Variants in DLGAP1 observed in about 807,000 individuals in gnomAD.
DLGAP1 encodes the protein disks large-associated protein 1.
A neutral mutation model predicts 90.8 loss-of-function variants in DLGAP1; 11 were observed. The ratio of observed to expected loss-of-function variants is 0.12; its 90% confidence interval spans 0.08 to 0.20. The LOEUF (loss-of-function observed/expected upper bound fraction) is 0.20, where lower values mean the gene tolerates loss of function less well. Ranked by LOEUF, DLGAP1 falls within the 10% of genes least tolerant of loss-of-function variation. The pLI, the probability that DLGAP1 is intolerant of heterozygous loss-of-function variation, is 1.00. For missense variants in DLGAP1, 1,050 were observed against 1,333.8 expected, an observed-to-expected ratio of 0.79 and a Z score of 3.31; for synonymous variants, 558 against 540.7, an observed-to-expected ratio of 1.03 and a Z score of -0.44.
intron 2 of DLGAP1, among the ~76,000 whole-genome samples, chr18:4,125,893 T>C (rs964843935): frequency 2.0e-5 from 3 of 152,138 alleles, no homozygotes; most frequent in African/African-American, 7.2e-5. Flanking sequence ...GCTACGAACA[T>C]TTCCAGGGCC....
intron 2 of DLGAP1, among the ~76,000 whole-genome samples, chr18:4,013,267 T>C (rs1242841893): frequency 6.6e-6 from 1 of 152,138 alleles, no homozygotes; most frequent in Non-Finnish European, 1.5e-5. Context: ...ATTTAATATT[T>C]AAAAAGCCTC....
chr18:3,707,645 G>A (rs2061477253), intron 7 of DLGAP1, among the ~76,000 whole-genome samples: 1 of 151,610 alleles, frequency 6.6e-6, no homozygotes, highest in Admixed American at 6.6e-5. Context: ...AGATTATCTT[G>A]TGCATGTCTT....
Position 4,247,454 on chromosome 18 carries a change from C to A in DLGAP1, c.-266-96167G>T, listed in dbSNP as rs549734194. 8.5e-5 allele frequency among the ~76,000 whole-genome samples: 13 copies of A among 152,236 alleles called. No homozygotes were observed. In the South Asian group the frequency reaches 2.5e-3, roughly 29 times the overall value. On this transcript the variant is annotated intron_variant, in intron 1 of 12. Coordinates refer to ENST00000315677, the MANE Select transcript of DLGAP1 (RefSeq NM_004746.4). ...TACAATATACTGCCTTATTTCTATG[C>A]CTCTTCCCTGTGAAAAGTGTCCTTA... is the stretch of plus-strand genomic sequence containing the variant.
chr18:3,870,443 A>G (rs1416368107), intron 4 of DLGAP1, among the ~76,000 whole-genome samples: 1 of 152,186 alleles, frequency 6.6e-6, no homozygotes, highest in East Asian at 1.9e-4. Context: ...GTAGGGGGCA[A>G]TAACTAAGAG....
chr18:3,861,833 G>T (rs923591563), intron 4 of DLGAP1, among the ~76,000 whole-genome samples: 2 of 152,232 alleles, frequency 1.3e-5, no homozygotes, highest in Admixed American at 6.5e-5. Flanking sequence ...GCCTCAATAA[G>T]CTTTTCCAAT....
intron 1 of DLGAP1, among the ~76,000 whole-genome samples, chr18:4,191,019 A>G (rs1408742109): frequency 6.6e-6 from 1 of 152,136 alleles, no homozygotes; most frequent in Admixed American, 6.6e-5. Flanking sequence ...TAATTTAGAA[A>G]GAGAAAGTAT....
chr18:4,076,632 T>A (rs2143545643), intron 2 of DLGAP1, among the ~76,000 whole-genome samples: 1 of 152,148 alleles, frequency 6.6e-6, no homozygotes, highest in East Asian at 1.9e-4. Flanking sequence ...TTATTATTAT[T>A]ATTTTTCTTG....
rs2073177441 is a variant in DLGAP1, at chr18:3,960,580, T to C, written c.-73+44536A>G. On this transcript the variant is annotated intron_variant, in intron 3 of 12. Coordinates refer to ENST00000315677, the MANE Select transcript of DLGAP1 (RefSeq NM_004746.4). Reference sequence around the variant, plus strand: ...CCCCATCTCTAAAAAAATAATAACATAAAGAAACAAAAACTTGAAACCTAA... The same window carrying C: ...CCCCATCTCTAAAAAAATAATAACACAAAGAAACAAAAACTTGAAACCTAA... Among the ~76,000 whole-genome samples, 3 of 152,076 alleles carry C rather than the reference T, an allele frequency of 2.0e-5. No individual in the cohort carries two copies. In the South Asian group the frequency reaches 6.2e-4, roughly 32 times the overall value.
chr18:3,501,251 T>C (rs2049918251), intron 12 of DLGAP1, among the ~76,000 whole-genome samples: 1 of 148,082 alleles, frequency 6.8e-6, no homozygotes, highest in Non-Finnish European at 1.5e-5. Flanking sequence ...AAAAAAAAAT[T>C]AGATGCATCA....
intron 4 of DLGAP1, among the ~76,000 whole-genome samples, chr18:3,832,465 C>A (rs559454885): frequency 6.6e-6 from 1 of 152,112 alleles, no homozygotes; most frequent in Non-Finnish European, 1.5e-5. Context: ...TACAGCTGCA[C>A]GAGTAGGCAC....
intron 6 of DLGAP1, among the ~76,000 whole-genome samples, chr18:3,738,342 G>C (rs1227980753): frequency 1.4e-5 from 2 of 147,624 alleles, no homozygotes; most frequent in East Asian, 1.9e-4. Context: ...AAAGAACAAA[G>C]CTGGAGGCAT....
chr18:3,630,953 G>T (rs928692247), intron 7 of DLGAP1, among the ~76,000 whole-genome samples: 2 of 151,838 alleles, frequency 1.3e-5, no homozygotes, highest in African/African-American at 4.8e-5. Flanking sequence ...TTTCTAATTT[G>T]CAGTTTTGAA....
chr18:4,282,493 A>G (rs1315254230), intron 1 of DLGAP1, among the ~76,000 whole-genome samples: 4 of 152,240 alleles, frequency 2.6e-5, no homozygotes, highest in Admixed American at 2.0e-4. Context: ...TCCCTTATAG[A>G]AACAAAATAG....
At chr18:4,269,456 C>A (rs1299018634) in intron 1 of DLGAP1, among the ~76,000 whole-genome samples, 1 of 151,408 alleles carries the variant, frequency 6.6e-6, no homozygotes, top group Non-Finnish European at 1.5e-5. Flanking sequence ...CGGGCTCACG[C>A]CATTCTCCTG....
rs201085277 is a variant in DLGAP1, at chr18:3,663,895, T to C, written c.1591+65240A>G. On this transcript the variant is annotated intron_variant, in intron 7 of 12. Coordinates refer to ENST00000315677, the MANE Select transcript of DLGAP1 (RefSeq NM_004746.4). Reference sequence around the variant, plus strand: ...TGAGATTAACATTTGGATCAGTTCATTGAGTACAGCAGACTTCCCTTCCTA... The same window carrying C: ...TGAGATTAACATTTGGATCAGTTCACTGAGTACAGCAGACTTCCCTTCCTA... 7.9e-5 allele frequency among the ~76,000 whole-genome samples: 12 copies of C among 152,350 alleles called. No homozygotes were observed. In the East Asian group the frequency reaches 2.1e-3, roughly 27 times the overall value.
intron 3 of DLGAP1, among the ~76,000 whole-genome samples, chr18:3,889,166 A>T (rs2071398360): frequency 6.6e-6 from 1 of 152,242 alleles, no homozygotes; most frequent in African/African-American, 2.4e-5. Flanking sequence ...AGGAGAAAGA[A>T]GAAATGATGA....
intron 7 of DLGAP1, among the ~76,000 whole-genome samples, chr18:3,600,897 T>C (rs1248752528): frequency 7.9e-6 from 1 of 127,198 alleles, no homozygotes; most frequent in African/African-American, 2.9e-5. Context: ...TATATAGATA[T>C]ATATAGATAT....
At chr18:3,818,264 A>C (rs1299123139) in intron 4 of DLGAP1, among the ~76,000 whole-genome samples, 1 of 151,700 alleles carries the variant, frequency 6.6e-6, no homozygotes, top group Non-Finnish European at 1.5e-5. Flanking sequence ...CATTCAGAAA[A>C]CTGGAAGACC....
chr18:4,173,836 C>G (rs2077062533), intron 1 of DLGAP1, among the ~76,000 whole-genome samples: 2 of 152,202 alleles, frequency 1.3e-5, no homozygotes, highest in African/African-American at 4.8e-5. Context: ...GGGGCAATTT[C>G]AAATATATGG....
Sources: allele counts gnomAD v4.1 joint callset (sites outside exome capture counted in the v4.1 genomes callset), GRCh38; gene constraint gnomAD v4.1.1; transcripts MANE v1.5; gene names NCBI Gene and HGNC (gene_info 2026-07-23, HGNC 2026-07-21).